The following NRXN3 variants were observed in gnomAD, a reference collection of about 807,000 sequenced individuals.
The protein encoded by NRXN3 is neurexin III.
Under a neutral mutation model 137.6 loss-of-function variants are expected in NRXN3, and 32 were observed. The observed-to-expected ratio is 0.23, with a 90% CI of 0.18 to 0.31. The LOEUF (loss-of-function observed/expected upper bound fraction) is 0.31. NRXN3 is among the 10% of genes least tolerant of loss of function. The probability of loss-of-function intolerance (pLI) is 1.00; values close to 1 mark genes in which losing one functional copy is unlikely to be tolerated. For missense variants in NRXN3, 1,574 were observed against 2,062.5 expected (o/e 0.76, Z 4.59); for synonymous variants, 798 against 784.5 (o/e 1.02, Z -0.29).
intron 15 of NRXN3, among the ~76,000 whole-genome samples, chr14:79,277,364 A>T (rs2080454663): frequency 6.6e-6 from 1 of 152,216 alleles, no homozygotes; most frequent in Non-Finnish European, 1.5e-5. Context: ...TAAGGCCAAA[A>T]GTGCAGTGGA....
At chr14:79,393,708 G>A (rs1229736820) in intron 15 of NRXN3, among the ~76,000 whole-genome samples, 1 of 152,108 alleles carries the variant, frequency 6.6e-6, no homozygotes, top group Non-Finnish European at 1.5e-5. Context: ...CCAGCTACTC[G>A]GGAGGCTGAG....
At chr14:78,806,310 C>T (rs570807613) in intron 9 of NRXN3, among the ~76,000 whole-genome samples, 3 of 152,282 alleles carry the variant, frequency 2.0e-5, no homozygotes, top group African/African-American at 4.8e-5. Context: ...TTCATATCCA[C>T]GCCTTGTTTA....
At chr14:79,699,185 C>T (rs540980936) in intron 19 of NRXN3, among the ~76,000 whole-genome samples, 8 of 152,036 alleles carry the variant, frequency 5.3e-5, no homozygotes, top group Admixed American at 1.3e-4. Context: ...TACACACATG[C>T]TCACGAGAAA....
chr14:79,327,170 T>C (rs1598755523), intron 15 of NRXN3, among the ~76,000 whole-genome samples: 1 of 152,220 alleles, frequency 6.6e-6, no homozygotes, highest in South Asian at 2.1e-4. Context: ...TTTTCCTTGA[T>C]GTCCCTTGAA....
intron 15 of NRXN3, among the ~76,000 whole-genome samples, chr14:79,082,573 C>T (rs1461863609): frequency 1.3e-5 from 2 of 152,092 alleles, no homozygotes; most frequent in Admixed American, 1.3e-4. Flanking sequence ...TACAGATTAT[C>T]TCCAGTCTGA....
At chr14:79,150,288 A>G (rs558833590) in intron 15 of NRXN3, among the ~76,000 whole-genome samples, 1 of 152,146 alleles carries the variant, frequency 6.6e-6, no homozygotes, top group South Asian at 2.1e-4. Flanking sequence ...AATGGAATGA[A>G]TAGTTAAAAT....
intron 10 of NRXN3, among the ~76,000 whole-genome samples, chr14:78,826,776 T>A (rs1397313089): frequency 2.0e-5 from 3 of 152,214 alleles, no homozygotes; most frequent in African/African-American, 7.2e-5. Context: ...TACTACTGTT[T>A]TAAAATTCTT....
chr14:79,245,499 T>A (rs974178539), intron 15 of NRXN3, among the ~76,000 whole-genome samples: 5 of 151,592 alleles, frequency 3.3e-5, no homozygotes, highest in Non-Finnish European at 7.4e-5. Flanking sequence ...AATGAATGAG[T>A]TCTCATGTAA....
At chr14:79,144,024 T>C (rs2059062065) in intron 15 of NRXN3, among the ~76,000 whole-genome samples, 1 of 152,226 alleles carries the variant, frequency 6.6e-6, no homozygotes, top group Non-Finnish European at 1.5e-5. Context: ...CTGATGTTTA[T>C]AGTAGTAGAA....
intron 4 of NRXN3, among the ~76,000 whole-genome samples, chr14:78,480,500 G>A (rs988106510): frequency 6.6e-6 from 1 of 152,064 alleles, no homozygotes; most frequent in Non-Finnish European, 1.5e-5. Flanking sequence ...AATGGGTCCA[G>A]GAATCTCATT....
At chr14:78,488,357 T>C (rs2153747010) in intron 4 of NRXN3, among the ~76,000 whole-genome samples, 1 of 152,308 alleles carries the variant, frequency 6.6e-6, no homozygotes, top group African/African-American at 2.4e-5. Context: ...TGAGGAATAT[T>C]GTTAAATGAT....
chr14:78,724,219 C>T (rs557562972), intron 8 of NRXN3, among the ~76,000 whole-genome samples: 8 of 152,286 alleles, frequency 5.3e-5, no homozygotes, highest in African/African-American at 9.6e-5. Context: ...CTGAGTATTA[C>T]GTATGTGTCT....
chr14:78,857,174 T>C (rs2099059780), intron 10 of NRXN3, among the ~76,000 whole-genome samples: 2 of 152,196 alleles, frequency 1.3e-5, no homozygotes, highest in African/African-American at 2.4e-5. Context: ...GTTTTTTTTT[T>C]CTTTCTCCCA....
intron 4 of NRXN3, among the ~76,000 whole-genome samples, chr14:78,481,498 C>G (rs184386049): frequency 6.6e-6 from 1 of 152,284 alleles, no homozygotes; most frequent in East Asian, 1.9e-4. Context: ...TCAGGAGTGA[C>G]AGCCGGGGCT....
intron 4 of NRXN3, among the ~76,000 whole-genome samples, chr14:78,633,260 A>AAAAAAAAAAAAAG (rs777062744): frequency 2.7e-5 from 4 of 148,264 alleles, no homozygotes; most frequent in Admixed American, 6.9e-5. Flanking sequence ...TCAAAAAAAA[A>AAAAAAAAAAAAAG]AAAAAAAAGA....
At chr14:79,540,955 TG>T (rs1409256733) in intron 16 of NRXN3, among the ~76,000 whole-genome samples, 17 of 152,106 alleles carry the variant, frequency 1.1e-4, no homozygotes, top group African/African-American at 4.1e-4. Flanking sequence ...AAAATCAAGG[TG>T]TCAGCAAGGC....
chr14:79,473,101 A>G (rs949306028), intron 16 of NRXN3, among the ~76,000 whole-genome samples: 1 of 152,038 alleles, frequency 6.6e-6, no homozygotes, highest in Non-Finnish European at 1.5e-5. Context: ...ACCTTCCCCA[A>G]CTATTTCCTT....
At chr14:79,853,828 A>G in intron 20 of NRXN3, 1 of 983,994 alleles carries the variant, frequency 1.0e-6, no homozygotes, top group Non-Finnish European at 1.2e-6. Context: ...AAAACCCGTT[A>G]GAGTCATAGA....
At chr14:78,803,934 C>T (rs2098847174) in intron 9 of NRXN3, 111 bp downstream of exon 9, 1 of 1,021,612 alleles carries the variant, frequency 9.8e-7, no homozygotes, top group Admixed American at 2.0e-5. Flanking sequence ...GTTAGCTGCT[C>T]ACCTCTTGTT....
Sources: allele counts gnomAD v4.1 joint callset (sites outside exome capture counted in the v4.1 genomes callset), GRCh38; gene constraint gnomAD v4.1.1; transcripts MANE v1.5; gene names NCBI Gene and HGNC (gene_info 2026-07-23, HGNC 2026-07-21).